SOX5: variants seen among roughly 807,000 people sequenced by gnomAD.
The protein encoded by SOX5 is SRY-box transcription factor 5.
A neutral mutation model predicts 92.0 loss-of-function variants in SOX5; 9 were observed. The ratio of observed to expected loss-of-function variants is 0.10; its 90% CI spans 0.06 to 0.17. SOX5 has a LOEUF of 0.17. Among genes scored for constraint, SOX5 ranks in the 10% least tolerant of loss-of-function variants. The pLI, the probability that SOX5 is intolerant of heterozygous loss-of-function variation, is 1.00. For missense variants in SOX5, 642 were observed against 944.5 expected (o/e 0.68, Z 4.20); for synonymous variants, 344 against 336.3 (o/e 1.02, Z -0.25).
intron 4 of SOX5, among the ~76,000 whole-genome samples, chr12:24,193,920 G>C (rs1236136393): frequency 6.6e-6 from 1 of 152,012 alleles, no homozygotes; most frequent in African/African-American, 2.4e-5. Context: ...TTTTAATCAT[G>C]ACCTTTCAGC....
intron 6 of SOX5, 69 bp downstream of exon 6, chr12:23,734,615 G>T: frequency 8.9e-7 from 1 of 1,127,346 alleles, no homozygotes; most frequent in Non-Finnish European, 1.3e-6. Context: ...TTTCAGTTAG[G>T]TATTTAAGGA....
intron 4 of SOX5, among the ~76,000 whole-genome samples, chr12:23,744,882 T>A (rs1181950220): frequency 1.3e-5 from 2 of 152,168 alleles, no homozygotes; most frequent in Non-Finnish European, 2.9e-5. Context: ...TCAACAGGGT[T>A]GATCTGTTCC....
intron 7 of SOX5, among the ~76,000 whole-genome samples, chr12:23,661,208 A>G (rs762925108): frequency 3.9e-5 from 6 of 152,222 alleles, no homozygotes; most frequent in Non-Finnish European, 8.8e-5. Context: ...TCTTCCTGTT[A>G]CAATTTGTAA....
intron 10 of SOX5, among the ~76,000 whole-genome samples, chr12:23,572,832 A>C (rs1592185276): frequency 6.6e-6 from 1 of 152,268 alleles, no homozygotes; most frequent in South Asian, 2.1e-4. Context: ...GAAAAAGCAC[A>C]CATGTGTCTG....
upstream of SOX5, among the ~76,000 whole-genome samples, chr12:23,954,502 C>T (rs1289043718): frequency 2.0e-5 from 3 of 151,802 alleles, no homozygotes; most frequent in Admixed American, 1.3e-4. Context: ...AACCAATATA[C>T]ATCTGTGAGT....
intron 5 of SOX5, among the ~76,000 whole-genome samples, chr12:23,735,996 G>A (rs1042429097): frequency 6.6e-6 from 1 of 152,124 alleles, no homozygotes; most frequent in Non-Finnish European, 1.5e-5. Context: ...AAGCAATGCT[G>A]AATGGATATC....
At chr12:23,951,493 C>T (rs988963556), upstream of SOX5, among the ~76,000 whole-genome samples, 4 of 152,054 alleles carry the variant, frequency 2.6e-5, no homozygotes, top group African/African-American at 4.8e-5. Context: ...TTTAGACATT[C>T]ACAGTGATAC....
rs544195988 is a variant in SOX5, at chr12:24,105,339, G to C, written c.-2+108004C>G. Among the ~76,000 whole-genome samples the C allele has an allele frequency of 1.1e-3, 166 of 152,282 alleles. 1 individual carries two copies. Among genetic ancestry groups the C allele is most frequent in the Non-Finnish European group, 2.6e-4 (18 of 68,012 alleles). Reference sequence around the variant, plus strand: ...GCAGATCACTTGAGGTCAAGAGTTTGAGACAAGCCTGGCCAACATGGTGAA... The same window carrying C: ...GCAGATCACTTGAGGTCAAGAGTTTCAGACAAGCCTGGCCAACATGGTGAA... On this transcript the variant is annotated intron_variant, in intron 4 of 4. Coordinates refer to the SOX5 transcript ENST00000446891.
At chr12:23,755,057 A>T (rs1342176707) in intron 4 of SOX5, among the ~76,000 whole-genome samples, 2 of 151,826 alleles carry the variant, frequency 1.3e-5, no homozygotes, top group Non-Finnish European at 2.9e-5. Context: ...TTTATCTTAT[A>T]TGAGGAAATT....
chr12:24,380,759 A>C (rs573164092), intron 1 of SOX5, among the ~76,000 whole-genome samples: 2 of 152,224 alleles, frequency 1.3e-5, no homozygotes. Flanking sequence ...GGCACAATGC[A>C]TAAGTGAGTA....
intron 1 of SOX5, among the ~76,000 whole-genome samples, chr12:24,529,346 T>C (rs1300235984): frequency 6.6e-6 from 1 of 152,236 alleles, no homozygotes; most frequent in Non-Finnish European, 1.5e-5. Flanking sequence ...GAGTCTAAAA[T>C]AAATTTGTCT....
rs531717796 is a variant in SOX5, at chr12:24,198,390, C to T, written c.-2+14953G>A. Among the ~76,000 whole-genome samples, 11 of 152,262 alleles carry T rather than the reference C, an allele frequency of 7.2e-5. No individual in the cohort carries two copies. In the East Asian group the frequency reaches 1.7e-3, roughly 24 times the overall value. ...AGTCCTCTTTTTCATACAACTTAAA[C>T]ATTTTATTTCGAGTTGTTTATCTGG... On this transcript the variant is annotated intron_variant, in intron 4 of 4. Coordinates refer to the SOX5 transcript ENST00000446891.
chr12:24,175,490 C>G (rs1301069060), intron 4 of SOX5, among the ~76,000 whole-genome samples: 3 of 152,210 alleles, frequency 2.0e-5, no homozygotes, highest in African/African-American at 7.2e-5. Flanking sequence ...ACGCTGGGAG[C>G]AAAGATCTAC....
At chr12:24,094,731 T>A (rs1306868097) in intron 4 of SOX5, among the ~76,000 whole-genome samples, 2 of 152,154 alleles carry the variant, frequency 1.3e-5, no homozygotes, top group Non-Finnish European at 2.9e-5. Flanking sequence ...GAGCAACCCA[T>A]ACTTTCCCCA....
At chr12:24,542,913 T>C (rs1427408443) in intron 1 of SOX5, among the ~76,000 whole-genome samples, 2 of 152,212 alleles carry the variant, frequency 1.3e-5, no homozygotes, top group African/African-American at 4.8e-5. Flanking sequence ...TCAATATATA[T>C]TTTGGTGTGG....
intron 1 of SOX5, among the ~76,000 whole-genome samples, chr12:24,374,699 C>T (rs1957074225): frequency 6.6e-6 from 1 of 152,194 alleles, no homozygotes; most frequent in Admixed American, 6.5e-5. Flanking sequence ...CAGAGCCCCT[C>T]AGGGTAGAGA....
chr12:24,130,657 A>C (rs981413812), intron 4 of SOX5, among the ~76,000 whole-genome samples: 1 of 152,166 alleles, frequency 6.6e-6, no homozygotes, highest in African/African-American at 2.4e-5. Context: ...AGGGTCCAGC[A>C]CCTTCAGGAG....
chr12:24,428,862 T>C (rs4262802), intron 1 of SOX5, among the ~76,000 whole-genome samples: 36,527 of 151,588 alleles, frequency 0.24, 5,768 homozygotes, highest in East Asian at 0.66. Context: ...TAATGGATTA[T>C]GTGTATGAGT....
At chr12:24,201,516 C>A (rs1470813209) in intron 4 of SOX5, among the ~76,000 whole-genome samples, 2 of 152,176 alleles carry the variant, frequency 1.3e-5, no homozygotes, top group Non-Finnish European at 2.9e-5. Context: ...TCAGTTTCCT[C>A]ATCTATAAAA....
Sources: gnomAD v4.1 joint callset for allele counts (sites outside exome capture counted in the v4.1 genomes callset) on GRCh38, gnomAD v4.1.1 for gene constraint, MANE v1.5 for transcripts, NCBI Gene and HGNC (gene_info 2026-07-23, HGNC 2026-07-21) for gene names.